CDH13: variants seen among roughly 807,000 people sequenced by gnomAD.
CDH13 encodes the protein cadherin-13.
A neutral mutation model predicts 63.8 loss-of-function variants in CDH13; 24 were observed. The observed-to-expected ratio is 0.38, with a 90% CI of 0.27 to 0.53. The LOEUF is 0.53. Ranked by LOEUF, CDH13 falls within the 20% of genes least tolerant of loss-of-function variation. The pLI is 0.85. For missense variants in CDH13, 1,049 were observed against 903.1 expected (o/e 1.16, Z -2.07); for synonymous variants, 503 against 355.3 (o/e 1.42, Z -4.67).
chr16:83,310,811 A>G (rs187780393), intron 5 of CDH13, among the ~76,000 whole-genome samples: 432 of 152,328 alleles, frequency 2.8e-3, no homozygotes, highest in Non-Finnish European at 5.3e-3. Context: ...AGATTCTTGC[A>G]GGTGACTTGC....
At chr16:83,356,432 A>T (rs996560166) in intron 6 of CDH13, among the ~76,000 whole-genome samples, 1 of 152,122 alleles carries the variant, frequency 6.6e-6, no homozygotes, top group Non-Finnish European at 1.5e-5. Flanking sequence ...TCGAAGATTC[A>T]TAAAGCATGC....
chr16:82,710,137 T>C lies in CDH13; in HGVS notation c.45+83000T>C, dbSNP rs1055046245. On this transcript the variant is annotated intron_variant, in intron 1 of 13. Transcript: ENST00000567109. ...TTATATAGATTTAATATATAATATA[T>C]AGTTCTATATAAATATATTTTAAAT... Among the ~76,000 whole-genome samples, 21 of 147,728 alleles carry C rather than the reference T, an allele frequency of 1.4e-4. 1 individual carries two copies. In the Admixed American group the frequency reaches 1.4e-3, roughly 10 times the overall value.
At chr16:83,595,628 T>C (rs1312040943) in intron 7 of CDH13, among the ~76,000 whole-genome samples, 2 of 152,198 alleles carry the variant, frequency 1.3e-5, no homozygotes, top group Non-Finnish European at 2.9e-5. Context: ...TTTCTTCCTT[T>C]TGAGGAAATA....
rs71148834 is a variant in CDH13 at position 83,429,511 on chromosome 16, G to GACACAC, written c.782-56947_782-56942dup. On this transcript the variant is annotated intron_variant, in intron 6 of 13. Coordinates refer to ENST00000567109, the MANE Select transcript of CDH13 (RefSeq NM_001257.5). The stretch of plus-strand genomic sequence containing the variant: ...TACATATACACTAAAAGACAATGAA[G>GACACAC]ACACACACACACACACACACACACT... 1.1e-3 allele frequency among the ~76,000 whole-genome samples: 165 copies of GACACAC among 149,068 alleles called. 3 individuals are homozygous for GACACAC. The highest frequency in any genetic ancestry group is 3.5e-3 in the Middle Eastern group (1 of 286).
chr16:83,602,005 A>G (rs1019571255), intron 7 of CDH13, among the ~76,000 whole-genome samples: 22 of 148,636 alleles, frequency 1.5e-4, no homozygotes, highest in Non-Finnish European at 3.3e-4. Flanking sequence ...AGGCAGGAGA[A>G]TCGCTGGAAC....
At chr16:82,997,960 A>T (rs978066504) in intron 2 of CDH13, among the ~76,000 whole-genome samples, 1 of 152,236 alleles carries the variant, frequency 6.6e-6, no homozygotes, top group Non-Finnish European at 1.5e-5. Context: ...TAATATATTT[A>T]ACCTACTTAG....
chr16:83,483,381 TA>T (rs2073816764), intron 6 of CDH13, among the ~76,000 whole-genome samples: 2 of 152,176 alleles, frequency 1.3e-5, no homozygotes, highest in Admixed American at 1.3e-4. Context: ...AATTTTGTGT[TA>T]CATCATGTTA....
chr16:82,849,993 G>C (rs2039417908), intron 1 of CDH13, among the ~76,000 whole-genome samples: 1 of 152,164 alleles, frequency 6.6e-6, no homozygotes, highest in African/African-American at 2.4e-5. Context: ...TTTTAATGGA[G>C]GTATATAAGG....
At chr16:83,512,892 C>G (rs1219431359) in intron 7 of CDH13, among the ~76,000 whole-genome samples, 2 of 151,994 alleles carry the variant, frequency 1.3e-5, no homozygotes, top group East Asian at 3.9e-4. Context: ...GTGTTTTCAA[C>G]AAACCCTCTA....
intron 3 of CDH13, among the ~76,000 whole-genome samples, chr16:83,100,872 A>C (rs1362469691): frequency 1.3e-5 from 2 of 152,208 alleles, no homozygotes; most frequent in South Asian, 2.1e-4. Flanking sequence ...TACAGCGTAC[A>C]ACCTTTACCA....
chr16:82,810,290 C>T (rs2037376713), intron 1 of CDH13, among the ~76,000 whole-genome samples: 1 of 152,116 alleles, frequency 6.6e-6, no homozygotes, highest in South Asian at 2.1e-4. Flanking sequence ...TTAGGCAGAA[C>T]CCGTCCTTTC....
At chr16:83,722,910 G>T (rs1227784647) in intron 10 of CDH13, among the ~76,000 whole-genome samples, 1 of 152,208 alleles carries the variant, frequency 6.6e-6, no homozygotes, top group Non-Finnish European at 1.5e-5. Context: ...CTACACTGAG[G>T]TCCCACTGAG....
chr16:83,333,434 A>G lies in CDH13; in HGVS notation c.637-11428A>G, dbSNP rs529157425. On this transcript the variant is annotated intron_variant, in intron 5 of 13. Coordinates refer to ENST00000567109, the MANE Select transcript of CDH13 (RefSeq NM_001257.5). ...TATGGGGATGATTGGCACCTCTCTC[A>G]GATTGCCCAGCCTCCCCCTGCTCTT... is the stretch of plus-strand genomic sequence containing the variant. 3.9e-5 allele frequency among the ~76,000 whole-genome samples: 6 copies of G among 152,210 alleles called. No homozygotes were observed. In the South Asian group the frequency reaches 1.2e-3, roughly 32 times the overall value.
intron 5 of CDH13, among the ~76,000 whole-genome samples, chr16:83,343,710 A>T (rs1024295279): frequency 6.6e-6 from 1 of 152,184 alleles, no homozygotes; most frequent in Non-Finnish European, 1.5e-5. Context: ...CTTGAGACAT[A>T]TTATATGATA....
At chr16:83,450,905 T>C (rs1486912734) in intron 6 of CDH13, among the ~76,000 whole-genome samples, 1 of 152,054 alleles carries the variant, frequency 6.6e-6, no homozygotes, top group Non-Finnish European at 1.5e-5. Flanking sequence ...GAGTTCATGA[T>C]GTAAAACAGT....
At chr16:83,630,696 T>G (rs722938) in intron 8 of CDH13, among the ~76,000 whole-genome samples, 111,300 of 152,100 alleles carry the variant, frequency 0.73, 40,911 homozygotes, top group Middle Eastern at 0.88. Flanking sequence ...TGTCTGTCCT[T>G]TGACCTGCAC....
intron 6 of CDH13, among the ~76,000 whole-genome samples, chr16:83,382,552 C>T (rs78581043): frequency 0.034 from 5,150 of 152,146 alleles, 289 homozygotes; most frequent in African/African-American, 0.12. Flanking sequence ...CCCAAGTACA[C>T]CCTCCTGCAT....
At chr16:83,496,324 G>A (rs1224178766) in intron 7 of CDH13, among the ~76,000 whole-genome samples, 26 of 143,494 alleles carry the variant, frequency 1.8e-4, no homozygotes, top group African/African-American at 5.2e-4. Flanking sequence ...ATAGATCAAT[G>A]GAACAGAACA....
At chr16:83,250,293 T>G (rs1905368562) in intron 5 of CDH13, among the ~76,000 whole-genome samples, 1 of 152,154 alleles carries the variant, frequency 6.6e-6, no homozygotes, top group South Asian at 2.1e-4. Context: ...AATTTAATAT[T>G]CAAAGAACAC....
Sources: allele counts gnomAD v4.1 joint callset (sites outside exome capture counted in the v4.1 genomes callset), GRCh38; gene constraint gnomAD v4.1.1; transcripts MANE v1.5; gene names NCBI Gene and HGNC (gene_info 2026-07-23, HGNC 2026-07-21).